Variants in PPFIA2 observed in about 807,000 individuals in gnomAD.
PPFIA2 encodes liprin-alpha-2.
Under a neutral mutation model 175.5 loss-of-function variants are expected in PPFIA2, and 46 were observed. The ratio of observed to expected loss-of-function variants is 0.26; its 90% CI spans 0.21 to 0.34. PPFIA2 has a LOEUF of 0.34. PPFIA2 is among the 10% of genes least tolerant of loss of function. PPFIA2 has a pLI of 1.00. For synonymous variants in PPFIA2, 568 were observed against 511.4 expected (o/e 1.11, Z -1.49); for missense variants, 1,179 against 1,506.1 (o/e 0.78, Z 3.60).
intron 28 of PPFIA2, among the ~76,000 whole-genome samples, chr12:81,270,194 A>T (rs1159330666): frequency 6.6e-6 from 1 of 152,234 alleles, no homozygotes; most frequent in African/African-American, 2.4e-5. Flanking sequence ...ACTTGTTAGC[A>T]GATATTGCTA....
chr12:81,479,066 G>C (rs1033774177), intron 4 of PPFIA2, among the ~76,000 whole-genome samples: 1 of 152,082 alleles, frequency 6.6e-6, no homozygotes, highest in Non-Finnish European at 1.5e-5. Flanking sequence ...CTCTTTCTAG[G>C]TCTCTAAGAA....
intron 4 of PPFIA2, among the ~76,000 whole-genome samples, chr12:81,643,602 A>G (rs980096625): frequency 2.6e-5 from 4 of 151,984 alleles, no homozygotes; most frequent in African/African-American, 9.7e-5. Flanking sequence ...AAAAATAACG[A>G]TATACAGGTT....
At chr12:81,617,306 G>GC (rs2061505468) in intron 4 of PPFIA2, among the ~76,000 whole-genome samples, 3 of 152,112 alleles carry the variant, frequency 2.0e-5, no homozygotes, top group African/African-American at 7.2e-5. Flanking sequence ...CCAAGATCCA[G>GC]CTCCAGTGTC....
intron 4 of PPFIA2, among the ~76,000 whole-genome samples, chr12:81,468,669 T>C (rs2056187932): frequency 1.3e-5 from 2 of 152,222 alleles, no homozygotes; most frequent in Admixed American, 6.5e-5. Flanking sequence ...AGCAATCAGT[T>C]ATAATTATAT....
rs191060450 is a variant in PPFIA2, at chr12:81,272,569, C to T, written c.3311-4482G>A. ...CCAACTATATTAAATTCTCCATTTT[C>T]TCACTTATATTCCTTACATATTTTT... On this transcript the variant is annotated intron_variant, in intron 28 of 32. Transcript: ENST00000549396. Among the ~76,000 whole-genome samples, 16 of 152,270 alleles carry T rather than the reference C, an allele frequency of 1.1e-4. No individual in the cohort carries two copies. The East Asian group carries it at 3.1e-3, about 29-fold the overall frequency.
At chr12:81,681,646 A>AT (rs1396125630) in intron 3 of PPFIA2, among the ~76,000 whole-genome samples, 1 of 151,890 alleles carries the variant, frequency 6.6e-6, no homozygotes, top group African/African-American at 2.4e-5. Context: ...TATAGGGATT[A>AT]ATAATGTGGC....
intron 7 of PPFIA2, among the ~76,000 whole-genome samples, chr12:81,414,438 A>G (rs550079356): frequency 6.6e-6 from 1 of 151,834 alleles, no homozygotes; most frequent in East Asian, 1.9e-4. Flanking sequence ...ATAAGCACTT[A>G]AACTTACCCT....
At chr12:81,559,366 A>C (rs2069504290) in intron 4 of PPFIA2, among the ~76,000 whole-genome samples, 1 of 152,214 alleles carries the variant, frequency 6.6e-6, no homozygotes, top group Non-Finnish European at 1.5e-5. Context: ...ATTATAGGAC[A>C]ATAAAACATG....
chr12:81,435,661 AATG>A (rs1367722578), intron 7 of PPFIA2, among the ~76,000 whole-genome samples: 27 of 152,270 alleles, frequency 1.8e-4, no homozygotes, highest in Admixed American at 1.0e-3. Flanking sequence ...AAAATCATAT[AATG>A]ATGATAGAAT....
intron 4 of PPFIA2, among the ~76,000 whole-genome samples, chr12:81,618,841 T>C (rs1006649998): frequency 6.6e-6 from 1 of 152,188 alleles, no homozygotes; most frequent in African/African-American, 2.4e-5. Context: ...CCATGGCACT[T>C]CTATTCATTC....
chr12:81,602,268 G>T (rs1207436338), intron 4 of PPFIA2, among the ~76,000 whole-genome samples: 1 of 148,106 alleles, frequency 6.8e-6, no homozygotes, highest in Non-Finnish European at 1.5e-5. Flanking sequence ...TATTATGTCT[G>T]GATAACACAA....
chr12:81,422,086 G>A (rs1332100262), intron 7 of PPFIA2, among the ~76,000 whole-genome samples: 1 of 128,804 alleles, frequency 7.8e-6, no homozygotes, highest in African/African-American at 3.2e-5. Flanking sequence ...GTATATATAT[G>A]TGTATATATA....
chr12:81,488,209 C>A (rs1229661010), intron 4 of PPFIA2, among the ~76,000 whole-genome samples: 1 of 151,718 alleles, frequency 6.6e-6, no homozygotes. Flanking sequence ...AAACATGAAA[C>A]CTTTGTCATA....
chr12:81,601,205 A>G, intron 4 of PPFIA2, among the ~76,000 whole-genome samples: 1 of 152,076 alleles, frequency 6.6e-6, no homozygotes. Context: ...TTTAAGTACA[A>G]TGCTTTATTC....
At chr12:81,447,429 A>T (rs554813897) in intron 5 of PPFIA2, among the ~76,000 whole-genome samples, 4 of 152,242 alleles carry the variant, frequency 2.6e-5, no homozygotes, top group African/African-American at 9.6e-5. Flanking sequence ...GCCTTTGCTT[A>T]TGCTGTACCC....
intron 5 of PPFIA2, among the ~76,000 whole-genome samples, chr12:81,449,610 T>C (rs538586903): frequency 3.3e-5 from 5 of 152,088 alleles, no homozygotes; most frequent in East Asian, 1.9e-4. Context: ...GCTGAACTTA[T>C]AGAATGGTTA....
At chr12:81,512,417 T>C in intron 4 of PPFIA2, 3 of 1,152,472 alleles carry the variant, frequency 2.6e-6, no homozygotes, top group South Asian at 2.8e-5. Context: ...GGACCCAGCC[T>C]AAAATGGAAT....
chr12:81,532,933 C>A lies in PPFIA2; in HGVS notation c.304-75067G>T, dbSNP rs185580478. ...AGAATAAAATCCCCTTTATCTCAAC[C>A]AAGAAGGCATCTTCATTTAACAAAT... On this transcript the variant is annotated intron_variant, in intron 4 of 32. Transcript: ENST00000549396. 4.4e-4 allele frequency among the ~76,000 whole-genome samples: 66 copies of A among 151,676 alleles called. 1 individual carries two copies. Among genetic ancestry groups the A allele is most frequent in the Non-Finnish European group, 7.4e-5 (5 of 67,770 alleles).
intron 7 of PPFIA2, among the ~76,000 whole-genome samples, chr12:81,431,694 T>C (rs1024025272): frequency 1.3e-5 from 2 of 152,186 alleles, no homozygotes; most frequent in Admixed American, 6.5e-5. Context: ...TTCTTTTAAA[T>C]CTATCCTTAA....
Sources: allele counts gnomAD v4.1 joint callset (sites outside exome capture counted in the v4.1 genomes callset), GRCh38; gene constraint gnomAD v4.1.1; transcripts MANE v1.5; gene names NCBI Gene and HGNC (gene_info 2026-07-23, HGNC 2026-07-21).